CEP44: variants seen among roughly 807,000 people sequenced by gnomAD.
CEP44 encodes the protein centrosomal protein 44.
A neutral mutation model predicts 46.7 loss-of-function variants in CEP44; 45 were observed. The observed-to-expected ratio is 0.96, with a 90% CI of 0.76 to 1.24. CEP44 has a LOEUF of 1.24. Ranked by LOEUF, CEP44 falls within the 50% of genes most tolerant of loss-of-function variation. CEP44 has a pLI of 0.00. For missense variants in CEP44, 475 were observed against 459.7 expected (o/e 1.03, Z -0.30); for synonymous variants, 142 against 146.0 (o/e 0.97, Z 0.20).
intron 11 of CEP44, chr4:174,316,774 A>T (rs1482754141): frequency 4.8e-6 from 2 of 418,904 alleles, no homozygotes; most frequent in African/African-American, 4.2e-5. Context: ...CCAACAAGCG[A>T]TTTAAAACTT....
intron 1 of CEP44, among the ~76,000 whole-genome samples, chr4:174,292,067 C>A (rs549166680): frequency 5.3e-5 from 8 of 152,152 alleles, no homozygotes; most frequent in African/African-American, 1.9e-4. Flanking sequence ...GCTGGGATTA[C>A]AGGTGTGAGC....
At position 174,331,725 on chromosome 4, in the gene CEP44, A is replaced by C; in HGVS notation, c.*130A>C. 7 of 1,196,370 alleles carry C rather than the reference A, an allele frequency of 5.9e-6. No individual in the cohort carries two copies. Among genetic ancestry groups the C allele is most frequent in the African/African-American group, 1.5e-5 (1 of 65,680 alleles). 74.1% of individuals were successfully genotyped at this position (1,196,370 alleles called of 1,614,324 possible). A position where few individuals can be genotyped will look rare whatever the true frequency, so the allele number is the denominator to read the frequency against. ...CTCAGCTCCAGCTCTTTTAATGGGC[A>C]TATCAAAACTGATGACTTTTTCCTT... On this transcript the variant is annotated 3_prime_UTR_variant, in exon 9 of 9. Coordinates refer to the CEP44 transcript ENST00000426172. This position sits in a 1 kb window ranked among gnomAD's most constrained non-coding sequence, Gnocchi z 4.5.
chr4:174,296,022 A>G (rs1188588607), intron 1 of CEP44, among the ~76,000 whole-genome samples: 6 of 152,232 alleles, frequency 3.9e-5, no homozygotes, highest in Non-Finnish European at 8.8e-5. Flanking sequence ...AAGCCCCTGC[A>G]TACCTAGAGT....
downstream of CEP44, chr4:174,320,434 C>G (rs13134635): frequency 0.2 from 98,409 of 482,250 alleles, 9,726 homozygotes; most frequent in East Asian, 0.61. Context: ...AACTACAACA[C>G]TTTTTGAGCT....
At chr4:174,316,337 C>T in intron 10 of CEP44, 47 bp downstream of exon 10, 2 of 1,557,806 alleles carry the variant, frequency 1.3e-6, no homozygotes, top group Non-Finnish European at 1.8e-6. Flanking sequence ...GGAAAACAAG[C>T]AAGCATTAGC....
rs1284182159 is a variant in CEP44, at chr4:174,309,820, T to C, written c.679-30T>C. 1 of 1,429,236 alleles carries C rather than the reference T, an allele frequency of 7.0e-7. No homozygotes were observed. The highest frequency in any genetic ancestry group is 2.4e-5 in the East Asian group (1 of 41,662). The allele number at this position is 1,429,236 out of a possible 1,614,324, so 88.5% of individuals were successfully genotyped here. A position where few individuals can be genotyped will look rare whatever the true frequency, so the allele number is the denominator to read the frequency against. ...TTTAAAGAAATTTCAGTTTGTTTAA[T>C]TTTATTTTTAATCTCTCTAACCTTT... On this transcript the variant is annotated intron_variant, in intron 7 of 11. Coordinates refer to ENST00000503780, the MANE Select transcript of CEP44 (RefSeq NM_001040157.3). The surrounding 1 kb of genome is among the most constrained non-coding windows in gnomAD (Gnocchi z 5.3).
chr4:174,296,582 A>G (rs960150093), intron 1 of CEP44, among the ~76,000 whole-genome samples: 1 of 152,132 alleles, frequency 6.6e-6, no homozygotes, highest in Non-Finnish European at 1.5e-5. Context: ...AAAAGCAGAC[A>G]TTGTATGATT....
intron 1 of CEP44, among the ~76,000 whole-genome samples, chr4:174,289,338 A>T: frequency 6.8e-6 from 1 of 146,196 alleles, no homozygotes; most frequent in Non-Finnish European, 1.5e-5. Flanking sequence ...GTTTTGTATT[A>T]ATTTTTCTTT....
In CEP44 at chr4:174,301,822, T is replaced by C. The variant is rs1398199450; in HGVS notation, c.90-217T>C. On this transcript the variant is annotated intron_variant, in intron 3 of 11. Transcript: ENST00000503780. This position sits in a 1 kb window ranked among gnomAD's most constrained non-coding sequence, Gnocchi z 4.3. ...TACTAGAGACCTATAGTAAGTTTTT[T>C]GAGCAGACGAACAGTGGTATTTCAT... Among the ~76,000 whole-genome samples the C allele has an allele frequency of 6.6e-6, 1 of 152,160 alleles. No homozygotes were observed. The highest frequency in any genetic ancestry group is 2.4e-5 in the African/African-American group (1 of 41,456).
chr4:174,295,322 G>T (rs1738844307), intron 1 of CEP44, among the ~76,000 whole-genome samples: 1 of 151,036 alleles, frequency 6.6e-6, no homozygotes, highest in African/African-American at 2.4e-5. Context: ...TCGCGGCCGG[G>T]TAGAGGTGCT....
chr4:174,285,558 T>C (rs1680763474), intron 1 of CEP44: 1 of 152,040 alleles, frequency 6.6e-6, no homozygotes, highest in South Asian at 2.1e-4. Context: ...TTTTCCAAAA[T>C]GTCAGAAAAA....
In CEP44 at chr4:174,317,988, A is replaced by G. The variant is rs529011181; in HGVS notation, c.*605A>G. ...ACAGGCTGGAGGACTATGGTCCTCA[A>G]GTTTAGACCAAGAGGACTATGGTCT... On this transcript the variant is annotated 3_prime_UTR_variant, in exon 12 of 12. Coordinates refer to ENST00000503780, the MANE Select transcript of CEP44 (RefSeq NM_001040157.3). 1.0e-6 allele frequency: 1 copy of G among 984,944 alleles called. No homozygotes were observed. Among genetic ancestry groups the G allele is most frequent in the Non-Finnish European group, 1.2e-6 (1 of 829,494 alleles). 61.0% of individuals were successfully genotyped at this position (984,944 alleles called of 1,614,324 possible). A position where few individuals can be genotyped will look rare whatever the true frequency, so the allele number is the denominator to read the frequency against.
chr4:174,327,404 T>C (rs533755282), intron 8 of CEP44, among the ~76,000 whole-genome samples: 117 of 152,024 alleles, frequency 7.7e-4, no homozygotes, highest in African/African-American at 2.8e-3. Flanking sequence ...TTAATTCAAG[T>C]AATCTCAAAG....
downstream of CEP44, among the ~76,000 whole-genome samples, chr4:174,323,107 T>TA (rs953839496): frequency 5.9e-5 from 9 of 152,046 alleles, no homozygotes; most frequent in African/African-American, 2.2e-4. Context: ...TTAAAAAATA[T>TA]AAAAAACTCC....
rs1051876765 is a variant in CEP44 at position 174,314,298 on chromosome 4, C to T, written c.962-1868C>T. On this transcript the variant is annotated intron_variant, in intron 9 of 11. Transcript: ENST00000503780. The surrounding 1 kb of genome is among the most constrained non-coding windows in gnomAD (Gnocchi z 4.1). ...AGTTACCAATTCTTTTCTCAATCCC[C>T]TATAGCACAGCTAAGAAACTATTAA... 8.5e-5 allele frequency among the ~76,000 whole-genome samples: 13 copies of T among 152,184 alleles called. No homozygotes were observed. The highest frequency in any genetic ancestry group is 1.9e-4 in the Non-Finnish European group (13 of 68,022).
chr4:174,318,139 C>T lies in CEP44; in HGVS notation c.*756C>T. On this transcript the variant is annotated 3_prime_UTR_variant, in exon 12 of 12. Coordinates refer to ENST00000503780, the MANE Select transcript of CEP44 (RefSeq NM_001040157.3). ...AGTGCAATAGCACGATCTTGGCTCA[C>T]CGCAACCTCTGCCTACCGGGTTCAA... 2.3e-6 allele frequency: 2 copies of T among 869,852 alleles called. No homozygotes were observed. Among genetic ancestry groups the T allele is most frequent in the South Asian group, 1.1e-4 (2 of 18,872 alleles). 53.9% of individuals were successfully genotyped at this position (869,852 alleles called of 1,614,324 possible).
Position 174,318,556 on chromosome 4 carries a change from A to G in CEP44, c.*1173A>G. On this transcript the variant is annotated 3_prime_UTR_variant, in exon 12 of 12. Transcript: ENST00000503780. ...AACTTGTAGATAAAAGTGTTCCAGT[A>G]ATCAGAAAATCCTCAAGAAAATTGA... The G allele has an allele frequency of 4.7e-6, 4 of 852,642 alleles. No individual in the cohort carries two copies. Among genetic ancestry groups the G allele is most frequent in the Non-Finnish European group, 5.6e-6 (4 of 709,536 alleles). The allele number at this position is 852,642 out of a possible 1,614,324, so 52.8% of individuals were successfully genotyped here. A position where few individuals can be genotyped will look rare whatever the true frequency, so the allele number is the denominator to read the frequency against.
intron 6 of CEP44, among the ~76,000 whole-genome samples, chr4:174,308,140 G>A (rs1740648514): frequency 6.6e-6 from 1 of 152,070 alleles, no homozygotes; most frequent in African/African-American, 2.4e-5. Flanking sequence ...TTGTAAAGAT[G>A]CATGCATATG....
At chr4:174,327,188 TAGAGAG>T (rs142198551) in intron 8 of CEP44, among the ~76,000 whole-genome samples, 57 of 148,032 alleles carry the variant, frequency 3.9e-4, no homozygotes, top group South Asian at 1.1e-3. Flanking sequence ...TATATATATT[TAGAGAG>T]AGAGAGAGAG....
Sources: gnomAD v4.1 joint callset for allele counts (sites outside exome capture counted in the v4.1 genomes callset) on GRCh38, gnomAD v4.1.1 for gene constraint, Gnocchi (gnomAD v3.1) non-coding constraint, MANE v1.5 for transcripts, NCBI Gene and HGNC (gene_info 2026-07-23, HGNC 2026-07-21) for gene names.